The following USP14 variants were observed in gnomAD, a reference collection of about 807,000 sequenced individuals.
USP14 encodes ubiquitin specific peptidase 14.
USP14 carries 38 observed loss-of-function variants against 76.5 expected under a neutral mutation model. That is an observed-to-expected ratio of 0.50 (90% CI 0.38 to 0.65). The LOEUF is 0.65. USP14 is among the 30% of genes least tolerant of loss of function. The pLI is 0.00. For missense variants in USP14, 467 were observed against 586.5 expected (o/e 0.80, Z 2.10); for synonymous variants, 192 against 191.7 (o/e 1.00, Z -0.01).
At chr18:209,860 T>C in intron 13 of USP14, 111 bp from the exon 14 acceptor site, 1 of 740,662 alleles carries the variant, frequency 1.4e-6, no homozygotes, top group Non-Finnish European at 2.1e-6. Flanking sequence ...AGACTGTATT[T>C]TGTCTCTGTG....
chr18:183,747 G>C (rs1598271364), intron 5 of USP14, among the ~76,000 whole-genome samples: 1 of 140,162 alleles, frequency 7.1e-6, no homozygotes, highest in African/African-American at 2.6e-5. Flanking sequence ...TTATTTAAAG[G>C]TTTTTTTTTT....
intron 5 of USP14, among the ~76,000 whole-genome samples, chr18:182,478 C>G (rs779049090): frequency 5.3e-5 from 8 of 152,174 alleles, no homozygotes; most frequent in Non-Finnish European, 8.8e-5. Flanking sequence ...AGGTTTTCTA[C>G]ATTTCTCTGA....
At chr18:162,594 C>T (rs1209362747) in intron 1 of USP14, among the ~76,000 whole-genome samples, 4 of 152,044 alleles carry the variant, frequency 2.6e-5, no homozygotes, top group African/African-American at 4.8e-5. Flanking sequence ...CTTAAACTAT[C>T]TAACCTTTCT....
At chr18:167,934 C>CTTTTT (rs34207469) in intron 3 of USP14, among the ~76,000 whole-genome samples, 9 of 116,114 alleles carry the variant, frequency 7.8e-5, no homozygotes, top group Non-Finnish European at 1.2e-4. Context: ...ATTTTTCTCT[C>CTTTTT]TTTTTTTTTT....
At chr18:202,413 G>A (rs1013396313) in intron 10 of USP14, among the ~76,000 whole-genome samples, 1 of 152,160 alleles carries the variant, frequency 6.6e-6, no homozygotes, top group Non-Finnish European at 1.5e-5. Flanking sequence ...GGTTAACAGA[G>A]GTTTCTGTGT....
chr18:189,315 A>G (rs1237321527), intron 5 of USP14, among the ~76,000 whole-genome samples: 1 of 152,032 alleles, frequency 6.6e-6, no homozygotes, highest in African/African-American at 2.4e-5. Context: ...TCTATTTTCT[A>G]ACTTAAAAGT....
intron 2 of USP14, among the ~76,000 whole-genome samples, chr18:164,557 G>A (rs577395565): frequency 4.6e-5 from 7 of 152,090 alleles, no homozygotes; most frequent in Admixed American, 3.3e-4. Context: ...GGGTTCAAGC[G>A]ATTCTTATGC....
At chr18:206,099 A>G (rs1179296233) in intron 13 of USP14, among the ~76,000 whole-genome samples, 2 of 152,216 alleles carry the variant, frequency 1.3e-5, no homozygotes, top group African/African-American at 2.4e-5. Flanking sequence ...GTTAGATTGC[A>G]TGGTAGTTGC....
chr18:158,675 C>G lies in USP14; in HGVS notation c.-24C>G. ...CTCGTCAGGCCCAGCTCTCCTGCGCCGCCGCCTCCCGCCGCGCCCCGCCAT... is the reference window on the plus strand; with the variant it reads ...CTCGTCAGGCCCAGCTCTCCTGCGCGGCCGCCTCCCGCCGCGCCCCGCCAT... On this transcript the variant is annotated 5_prime_UTR_variant, in exon 1 of 16. Transcript: ENST00000261601. 6.6e-7 allele frequency: 1 copy of G among 1,518,664 alleles called. No homozygotes were observed. The highest frequency in any genetic ancestry group is 8.8e-7 in the Non-Finnish European group (1 of 1,141,190). 94.1% of individuals were successfully genotyped at this position (1,518,664 alleles called of 1,614,324 possible).
chr18:173,093 G>A (rs1909510431), intron 3 of USP14, among the ~76,000 whole-genome samples: 1 of 151,094 alleles, frequency 6.6e-6, no homozygotes, highest in African/African-American at 2.4e-5. Context: ...GTTACATTTA[G>A]ATATATTGTC....
At chr18:204,731 A>T (rs201773333) in intron 13 of USP14, 39 bp downstream of exon 13, 461 of 1,597,434 alleles carry the variant, frequency 2.9e-4, no homozygotes, top group Non-Finnish European at 3.0e-4. Context: ...TTAATATCTT[A>T]ATCTCCCATC....
chr18:160,312 G>GA (rs1379983836), intron 1 of USP14, among the ~76,000 whole-genome samples: 1 of 151,772 alleles, frequency 6.6e-6, no homozygotes, highest in African/African-American at 2.4e-5. Context: ...CTCAAGAAAA[G>GA]AAAAAAAGAA....
In USP14 at chr18:213,009, T is replaced by C. The variant is rs1910714797; in HGVS notation, c.*1725T>C. On this transcript the variant is annotated 3_prime_UTR_variant, in exon 16 of 16. Transcript: ENST00000261601. ...AATAAGCATTGCAGGGAAACTTATTTGTAAATAGCTTCCTCACCTAAACTT... is the reference window on the plus strand; with the variant it reads ...AATAAGCATTGCAGGGAAACTTATTCGTAAATAGCTTCCTCACCTAAACTT... The C allele has an allele frequency of 3.3e-5, 5 of 152,338 alleles. No homozygotes were observed. The South Asian group carries it at 1.0e-3, about 32-fold the overall frequency. 9.4% of individuals were successfully genotyped at this position (152,338 alleles called of 1,614,324 possible).
rs1173074767 is a variant in USP14, at chr18:214,593, TCA to T, written c.*3312_*3313del. On this transcript the variant is annotated 3_prime_UTR_variant, in exon 16 of 16. Transcript: ENST00000261601. ...AAATGCTGCTTGGTAACAAAATCTATCACAGTTTTAATAAAAAGAAAAAAAAA... is the reference window on the plus strand; with the variant it reads ...AAATGCTGCTTGGTAACAAAATCTATCAGTTTTAATAAAAAGAAAAAAAAA... 4 of 1,550,666 alleles carry T rather than the reference TCA, an allele frequency of 2.6e-6. No homozygotes were observed. Among genetic ancestry groups the T allele is most frequent in the Admixed American group, 1.9e-5 (1 of 53,062 alleles).
chr18:166,327 T>TA (rs533246116), intron 2 of USP14, among the ~76,000 whole-genome samples: 6 of 152,198 alleles, frequency 3.9e-5, no homozygotes, highest in Admixed American at 6.5e-5. Flanking sequence ...CACTTGTGTT[T>TA]AAAAAAAATT....
intron 10 of USP14, among the ~76,000 whole-genome samples, chr18:200,620 T>C (rs1014655681): frequency 2.6e-5 from 4 of 152,180 alleles, no homozygotes; most frequent in African/African-American, 9.7e-5. Flanking sequence ...AATAAGCCCA[T>C]GGATAAAACA....
intron 6 of USP14, 83 bp downstream of exon 6, chr18:192,983 T>C: frequency 8.3e-7 from 1 of 1,206,958 alleles, no homozygotes; most frequent in Non-Finnish European, 1.2e-6. Context: ...TTACAGAATG[T>C]CTTTTGTAAA....
At chr18:195,315 T>TA (rs1460829767) in intron 6 of USP14, among the ~76,000 whole-genome samples, 1 of 152,204 alleles carries the variant, frequency 6.6e-6, no homozygotes, top group African/African-American at 2.4e-5. Context: ...AAATATTTTT[T>TA]AAACATTGTG....
chr18:191,184 G>A lies in USP14; in HGVS notation c.405-1658G>A, dbSNP rs182378004. ...AAGAAGTTGCTAAAATGTCTTAACA[G>A]GGAAATGTAATGATTTTCAGGTTTT... On this transcript the variant is annotated intron_variant, in intron 5 of 15. Coordinates refer to ENST00000261601, the MANE Select transcript of USP14 (RefSeq NM_005151.4). Among the ~76,000 whole-genome samples the A allele has an allele frequency of 1.1e-3, 169 of 152,170 alleles. 1 individual carries two copies. The highest frequency in any genetic ancestry group is 3.9e-3 in the African/African-American group (164 of 41,524).
Sources: gnomAD v4.1 joint callset for allele counts (sites outside exome capture counted in the v4.1 genomes callset) on GRCh38, gnomAD v4.1.1 for gene constraint, MANE v1.5 for transcripts, NCBI Gene and HGNC (gene_info 2026-07-23, HGNC 2026-07-21) for gene names.